Variants in TNPO3 observed in about 807,000 individuals in gnomAD.
TNPO3 encodes the protein transportin-3.
TNPO3 carries 65 observed loss-of-function variants against 122.8 expected under a neutral mutation model. The observed-to-expected ratio is 0.53, with a 90% CI of 0.43 to 0.65. The LOEUF (loss-of-function observed/expected upper bound fraction) is 0.65. Ranked by LOEUF, TNPO3 falls within the 30% of genes least tolerant of loss-of-function variation. The pLI, the probability that TNPO3 is intolerant of heterozygous loss-of-function variation, is 0.00. For missense variants in TNPO3, 850 were observed against 1,136.7 expected (o/e 0.75, Z 3.63); for synonymous variants, 372 against 411.2 (o/e 0.90, Z 1.15).
intron 18 of TNPO3, among the ~76,000 whole-genome samples, chr7:128,973,831 A>T (rs1798769410): frequency 6.6e-6 from 1 of 150,558 alleles, no homozygotes; most frequent in Non-Finnish European, 1.5e-5. Flanking sequence ...AAAAGGAAAA[A>T]AAAAGGGTTT....
chr7:129,028,019 C>CA (rs1293156003), intron 1 of TNPO3, among the ~76,000 whole-genome samples: 2 of 152,068 alleles, frequency 1.3e-5, no homozygotes, highest in Non-Finnish European at 2.9e-5. Context: ...AACTAGGAGT[C>CA]AACAGCAAAA....
chr7:128,999,268 T>C (rs1166344736), intron 7 of TNPO3, among the ~76,000 whole-genome samples: 1 of 152,224 alleles, frequency 6.6e-6, no homozygotes, highest in African/African-American at 2.4e-5. Flanking sequence ...TTCAGCTTCA[T>C]GTCACTTTTA....
intron 1 of TNPO3, among the ~76,000 whole-genome samples, chr7:129,041,378 T>C (rs1317321582): frequency 2.0e-5 from 3 of 151,986 alleles, no homozygotes; most frequent in Admixed American, 1.3e-4. Flanking sequence ...GAAAACAAAA[T>C]GAAATCTTGT....
At chr7:129,003,416 T>C (rs950231752) in intron 5 of TNPO3, among the ~76,000 whole-genome samples, 2 of 150,976 alleles carry the variant, frequency 1.3e-5, no homozygotes, top group Non-Finnish European at 2.9e-5. Flanking sequence ...ACATCTGTAA[T>C]CCCAGTGCTT....
At chr7:129,039,893 G>C (rs570224515) in intron 1 of TNPO3, among the ~76,000 whole-genome samples, 1 of 152,326 alleles carries the variant, frequency 6.6e-6, no homozygotes, top group South Asian at 2.1e-4. Context: ...ACAGAAAGTA[G>C]ATTAGTAGCT....
chr7:129,028,811 T>C (rs1485027085), intron 1 of TNPO3: 1 of 255,498 alleles, frequency 3.9e-6, no homozygotes. Flanking sequence ...GAACTGTCTT[T>C]GTGAGAAGCT....
At chr7:129,042,898 A>C (rs1807566883) in intron 1 of TNPO3, among the ~76,000 whole-genome samples, 1 of 152,108 alleles carries the variant, frequency 6.6e-6, no homozygotes, top group South Asian at 2.1e-4. Context: ...AAAGAAAAGT[A>C]ATCATAAATC....
chr7:128,972,284 C>T, intron 19 of TNPO3, 142 bp downstream of exon 19: 2 of 908,014 alleles, frequency 2.2e-6, no homozygotes, highest in East Asian at 2.7e-5. Flanking sequence ...GATATTTTGG[C>T]TAGTGAATGA....
chr7:129,054,763 C>T lies in TNPO3; in HGVS notation c.8G>A (p.Gly3Glu), dbSNP rs1224589918. The T allele has an allele frequency of 6.2e-7, 1 of 1,614,116 alleles. No individual in the cohort carries two copies. The highest frequency in any genetic ancestry group is 8.5e-7 in the Non-Finnish European group (1 of 1,180,002). Residue 3 changes from glycine (G) to glutamate (E), a missense_variant, in exon 1 of 23, where the codon GGA (glycine) becomes GAA (glutamate). Transcript: ENST00000265388. ...CACGAGCTGCAATGTCGGCTTTGCT[C>T]CTTCCATGGTGGTGGCGGTAGTGGC... ME[G>E]AKPTLQLVYQ...
chr7:129,054,937 GC>G lies in TNPO3; in HGVS notation c.-168del. Reference sequence around the variant, plus strand: ...GGGCAGAAGGCTCTCCGTGGAAGTTGCCCCCTCGGAAACAGCTATTAGGTCG... The same window carrying G: ...GGGCAGAAGGCTCTCCGTGGAAGTTGCCCCTCGGAAACAGCTATTAGGTCG... On this transcript the variant is annotated 5_prime_UTR_variant, in exon 1 of 23. Transcript: ENST00000265388. 1 of 854,288 alleles carries G rather than the reference GC, an allele frequency of 1.2e-6. No homozygotes were observed. Among genetic ancestry groups the G allele is most frequent in the Non-Finnish European group, 1.8e-6 (1 of 564,900 alleles). The allele number at this position is 854,288 out of a possible 1,614,324, so 52.9% of individuals were successfully genotyped here.
chr7:128,965,610 A>T lies in TNPO3; in HGVS notation c.2711+1670T>A, dbSNP rs547158753. ...ATTCTACCTCTGGGTATCCAAAAGAATTGAAAGCAGGGGCTGAAAGAGATA... is the reference window on the plus strand; with the variant it reads ...ATTCTACCTCTGGGTATCCAAAAGATTTGAAAGCAGGGGCTGAAAGAGATA... On this transcript the variant is annotated intron_variant, in intron 21 of 22. Coordinates refer to ENST00000265388, the MANE Select transcript of TNPO3 (RefSeq NM_012470.4). Among the ~76,000 whole-genome samples the T allele has an allele frequency of 2.3e-4, 35 of 152,360 alleles. No homozygotes were observed. In the South Asian group the frequency reaches 6.6e-3, roughly 29 times the overall value.
Position 129,054,856 on chromosome 7 carries a change from T to C in TNPO3, c.-86A>G. The C allele has an allele frequency of 6.3e-7, 1 of 1,584,196 alleles. No individual in the cohort carries two copies. Among genetic ancestry groups the C allele is most frequent in the South Asian group, 1.1e-5 (1 of 89,162 alleles). ...GCTCCGCCTTCGCGCTTCCTCACTG[T>C]CTGGGCCACGGCCGCTCCCTGACTG... On this transcript the variant is annotated 5_prime_UTR_variant, in exon 1 of 23. Coordinates refer to ENST00000265388, the MANE Select transcript of TNPO3 (RefSeq NM_012470.4).
At chr7:129,053,309 C>G (rs1397138054) in intron 1 of TNPO3, among the ~76,000 whole-genome samples, 1 of 148,316 alleles carries the variant, frequency 6.7e-6, no homozygotes, top group Non-Finnish European at 1.5e-5. Flanking sequence ...GCCTGGGCAA[C>G]AGAGCCAGAC....
At chr7:129,013,918 A>G (rs916342809) in intron 4 of TNPO3, among the ~76,000 whole-genome samples, 4 of 152,174 alleles carry the variant, frequency 2.6e-5, no homozygotes, top group Non-Finnish European at 5.9e-5. Context: ...GTGAAAAAAA[A>G]TGGATCTCAT....
intron 4 of TNPO3, 51 bp from the exon 5 acceptor site, chr7:129,005,210 A>T (rs1159660509): frequency 6.6e-7 from 1 of 1,508,588 alleles, no homozygotes; most frequent in Non-Finnish European, 9.0e-7. Context: ...ATATATTTAA[A>T]CCATTATTTC....
At chr7:129,045,422 G>C (rs1371890786) in intron 1 of TNPO3, among the ~76,000 whole-genome samples, 1 of 151,378 alleles carries the variant, frequency 6.6e-6, no homozygotes, top group African/African-American at 2.4e-5. Context: ...CTTGAGCCTG[G>C]GAGTTTAAGG....
At chr7:129,014,257 T>C (rs1803570839) in intron 4 of TNPO3, among the ~76,000 whole-genome samples, 1 of 152,230 alleles carries the variant, frequency 6.6e-6, no homozygotes, top group Non-Finnish European at 1.5e-5. Context: ...GCACAGTGGC[T>C]CACGCCTGTA....
chr7:128,960,180 T>G (rs1375731159), intron 21 of TNPO3, among the ~76,000 whole-genome samples: 1 of 152,190 alleles, frequency 6.6e-6, no homozygotes, highest in Non-Finnish European at 1.5e-5. Flanking sequence ...GATGCTGGTA[T>G]AAACAAACCT....
At chr7:129,056,062 T>C, upstream of TNPO3, 1 of 1,169,102 alleles carries the variant, frequency 8.6e-7, no homozygotes, top group Non-Finnish European at 1.3e-6. Context: ...AACTGGAAGA[T>C]GAACGGGCGG....
Sources: allele counts gnomAD v4.1 joint callset (sites outside exome capture counted in the v4.1 genomes callset), GRCh38; gene constraint gnomAD v4.1.1; transcripts MANE v1.5; gene names NCBI Gene and HGNC (gene_info 2026-07-23, HGNC 2026-07-21).